RBFOX1: variants seen among roughly 807,000 people sequenced by gnomAD.
RBFOX1 encodes the protein RNA binding fox-1 homolog 1.
RBFOX1 carries 8 observed loss-of-function variants against 57.7 expected under a neutral mutation model. The observed-to-expected ratio is 0.14, with a 90% CI of 0.08 to 0.25. RBFOX1 has a LOEUF of 0.25. Among genes scored for constraint, RBFOX1 ranks in the 10% least tolerant of loss-of-function variants. The pLI is 1.00. For missense variants in RBFOX1, 611 were observed against 548.5 expected (o/e 1.11, Z -1.14); for synonymous variants, 326 against 222.4 (o/e 1.47, Z -4.15).
chr16:7,221,553 G>C (rs1225488889), intron 4 of RBFOX1, among the ~76,000 whole-genome samples: 1 of 152,020 alleles, frequency 6.6e-6, no homozygotes, highest in Non-Finnish European at 1.5e-5. Flanking sequence ...TTTTAGTAGA[G>C]AAGGGGTCGC....
chr16:6,613,571 A>G lies in RBFOX1; in HGVS notation c.-63-41032A>G, dbSNP rs536876896. ...AAATGCTATGGAACGCTAGATGATT[A>G]TTAAACATAATGAGGTTGAAATCTA... On this transcript the variant is annotated intron_variant, in intron 2 of 15. Coordinates refer to ENST00000550418, the MANE Select transcript of RBFOX1 (RefSeq NM_018723.4). Among the ~76,000 whole-genome samples the G allele has an allele frequency of 2.0e-5, 3 of 152,342 alleles. No individual in the cohort carries two copies. In the East Asian group the frequency reaches 5.8e-4, roughly 29 times the overall value.
intron 1 of RBFOX1, among the ~76,000 whole-genome samples, chr16:5,304,323 T>C (rs981823127): frequency 1.3e-5 from 2 of 152,228 alleles, no homozygotes; most frequent in African/African-American, 2.4e-5. Flanking sequence ...ATCAGGAGGC[T>C]CCTAAGTGGT....
chr16:6,641,501 G>T (rs1265825954), intron 2 of RBFOX1, among the ~76,000 whole-genome samples: 1 of 151,992 alleles, frequency 6.6e-6, no homozygotes, highest in Non-Finnish European at 1.5e-5. Flanking sequence ...TTGGGAGGCC[G>T]AGGCGGGCAG....
At chr16:6,694,804 G>A (rs934626490) in intron 3 of RBFOX1, among the ~76,000 whole-genome samples, 1 of 152,134 alleles carries the variant, frequency 6.6e-6, no homozygotes, top group African/African-American at 2.4e-5. Context: ...CCGTGCATCA[G>A]TCACTGTGAC....
At chr16:7,371,147 G>C (rs995021524) in intron 4 of RBFOX1, among the ~76,000 whole-genome samples, 2 of 152,036 alleles carry the variant, frequency 1.3e-5, no homozygotes, top group Admixed American at 1.3e-4. Flanking sequence ...CTCTCCTTCT[G>C]CCCTTCTCCC....
intron 4 of RBFOX1, among the ~76,000 whole-genome samples, chr16:7,287,056 C>A (rs2095664752): frequency 6.6e-6 from 1 of 152,090 alleles, no homozygotes; most frequent in African/African-American, 2.4e-5. Flanking sequence ...GGATGTGTGG[C>A]ACAAAAGAGG....
chr16:7,627,187 CAAAA>C (rs139069709), intron 10 of RBFOX1, among the ~76,000 whole-genome samples: 1 of 82,758 alleles, frequency 1.2e-5, no homozygotes, highest in Admixed American at 1.3e-4. Context: ...TTCTATTTGA[CAAAA>C]AAAAAAAAAA....
At chr16:6,246,390 A>G (rs2097569169) in intron 1 of RBFOX1, among the ~76,000 whole-genome samples, 1 of 152,186 alleles carries the variant, frequency 6.6e-6, no homozygotes, top group Non-Finnish European at 1.5e-5. Context: ...TTTAAGCATC[A>G]TGATCTCCCC....
Position 7,567,907 on chromosome 16 carries a change from ATC to A in RBFOX1, c.271-11869_271-11868del, listed in dbSNP as rs1260424657. Reference sequence around the variant, plus strand: ...TATGTATACCTATGTATATATATATATCCATATATATGTATGGATACCTAAAA... The same window carrying A: ...TATGTATACCTATGTATATATATATACATATATATGTATGGATACCTAAAA... On this transcript the variant is annotated intron_variant, in intron 5 of 15. Coordinates refer to ENST00000550418, the MANE Select transcript of RBFOX1 (RefSeq NM_018723.4). Among the ~76,000 whole-genome samples, 113 of 135,946 alleles carry A rather than the reference ATC, an allele frequency of 8.3e-4. 1 individual carries two copies. The highest frequency in any genetic ancestry group is 2.9e-3 in the African/African-American group (108 of 36,928). 89.2% of individuals were successfully genotyped at this position (135,946 alleles called of 152,430 possible). A position where few individuals can be genotyped will look rare whatever the true frequency, so the allele number is the denominator to read the frequency against.
At chr16:6,552,658 A>G (rs1284440252) in intron 2 of RBFOX1, among the ~76,000 whole-genome samples, 1 of 152,212 alleles carries the variant, frequency 6.6e-6, no homozygotes, top group African/African-American at 2.4e-5. Flanking sequence ...AAATGGAAAA[A>G]GAAACAAAAT....
chr16:6,117,091 C>A (rs1311488323), intron 1 of RBFOX1, among the ~76,000 whole-genome samples: 3 of 152,106 alleles, frequency 2.0e-5, no homozygotes, highest in Non-Finnish European at 2.9e-5. Flanking sequence ...CTCACCAAAG[C>A]CTTCTTGGAG....
chr16:7,656,846 C>A (rs573870378), intron 12 of RBFOX1, among the ~76,000 whole-genome samples: 1 of 152,050 alleles, frequency 6.6e-6, no homozygotes, highest in African/African-American at 2.4e-5. Context: ...GTCCTTAGCC[C>A]AGCTTGGGTG....
intron 1 of RBFOX1, among the ~76,000 whole-genome samples, chr16:5,351,228 C>T (rs2065255992): frequency 6.6e-6 from 1 of 152,202 alleles, no homozygotes; most frequent in Non-Finnish European, 1.5e-5. Context: ...CTGCCTGAAG[C>T]ACTTTGCAGG....
intron 4 of RBFOX1, among the ~76,000 whole-genome samples, chr16:7,275,727 A>G (rs1321532331): frequency 6.6e-6 from 1 of 152,218 alleles, no homozygotes; most frequent in African/African-American, 2.4e-5. Context: ...CATTGTTTTG[A>G]TGGCATATGC....
chr16:6,647,035 A>C (rs1215388205), intron 2 of RBFOX1, among the ~76,000 whole-genome samples: 1 of 152,068 alleles, frequency 6.6e-6, no homozygotes, highest in East Asian at 1.9e-4. Context: ...CAGAACATTT[A>C]CTTTGTCATA....
At chr16:7,575,001 G>T (rs2093186136) in intron 5 of RBFOX1, among the ~76,000 whole-genome samples, 1 of 151,296 alleles carries the variant, frequency 6.6e-6, no homozygotes, top group Non-Finnish European at 1.5e-5. Context: ...TAGAGGGAAT[G>T]GTGACCTCCA....
At chr16:6,445,355 C>A (rs1457867477) in intron 2 of RBFOX1, among the ~76,000 whole-genome samples, 1 of 151,986 alleles carries the variant, frequency 6.6e-6, no homozygotes, top group Non-Finnish European at 1.5e-5. Flanking sequence ...GAGAATATCA[C>A]AGGGAGACAT....
chr16:6,325,080 G>C (rs948844989), intron 2 of RBFOX1, among the ~76,000 whole-genome samples: 36 of 152,196 alleles, frequency 2.4e-4, no homozygotes, highest in African/African-American at 8.7e-4. Context: ...AGGTACCCAG[G>C]CATGGTGGCT....
intron 4 of RBFOX1, among the ~76,000 whole-genome samples, chr16:7,154,586 G>C (rs1180655819): frequency 6.6e-6 from 1 of 152,054 alleles, no homozygotes; most frequent in Non-Finnish European, 1.5e-5. Flanking sequence ...ATTTAAACTT[G>C]AAGGCATTTA....
Sources: gnomAD v4.1 joint callset for allele counts (sites outside exome capture counted in the v4.1 genomes callset) on GRCh38, gnomAD v4.1.1 for gene constraint, MANE v1.5 for transcripts, NCBI Gene and HGNC (gene_info 2026-07-23, HGNC 2026-07-21) for gene names.